The following GRID2 variants were observed in gnomAD, a reference collection of about 807,000 sequenced individuals.
GRID2 encodes the protein glutamate ionotropic receptor delta type subunit 2, also known as glutamate receptor ionotropic, delta-2.
In GRID2, 33 loss-of-function variants were observed where a neutral mutation model predicts 114.8. That is an observed-to-expected ratio of 0.29 (90% CI 0.22 to 0.38). The LOEUF (loss-of-function observed/expected upper bound fraction) is 0.38, where lower values mean the gene tolerates loss of function less well. Among genes scored for constraint, GRID2 ranks in the 10% least tolerant of loss-of-function variants. GRID2 has a pLI of 1.00. For missense variants in GRID2, 1,184 were observed against 1,257.7 expected, an observed-to-expected ratio of 0.94 and a Z score of 0.89; for synonymous variants, 505 against 449.9, an observed-to-expected ratio of 1.12 and a Z score of -1.55.
intron 4 of GRID2, among the ~76,000 whole-genome samples, chr4:93,127,876 C>A (rs1454025589): frequency 6.6e-6 from 1 of 151,282 alleles, no homozygotes; most frequent in South Asian, 2.1e-4. Flanking sequence ...GTTATAATAG[C>A]TGGGTATGGT....
At position 93,414,505 on chromosome 4, in the gene GRID2, T is replaced by C. The variant is rs896510283; in HGVS notation, c.1348-8266T>C. Among the ~76,000 whole-genome samples, 14 of 152,210 alleles carry C rather than the reference T, an allele frequency of 9.2e-5. No homozygotes were observed. In the East Asian group the frequency reaches 2.3e-3, roughly 25 times the overall value. Reference sequence around the variant, plus strand: ...GTCCTAGCCACGCTAGTGTCTCTTCTGTCTCTTAAACAAGTCAGAGACTCT... The same window carrying C: ...GTCCTAGCCACGCTAGTGTCTCTTCCGTCTCTTAAACAAGTCAGAGACTCT... On this transcript the variant is annotated intron_variant, in intron 9 of 15. Transcript: ENST00000282020.
chr4:92,802,369 G>T (rs1466776607), intron 2 of GRID2, among the ~76,000 whole-genome samples: 1 of 151,818 alleles, frequency 6.6e-6, no homozygotes, highest in Non-Finnish European at 1.5e-5. Context: ...TTTCACAAAG[G>T]TATATAATGA....
chr4:93,454,887 G>T (rs1053045573), intron 10 of GRID2, among the ~76,000 whole-genome samples: 2 of 152,012 alleles, frequency 1.3e-5, no homozygotes, highest in African/African-American at 4.8e-5. Flanking sequence ...ATTTAAATAT[G>T]TATTATCATA....
At chr4:92,567,010 A>G (rs1727370276) in intron 1 of GRID2, among the ~76,000 whole-genome samples, 1 of 152,050 alleles carries the variant, frequency 6.6e-6, no homozygotes, top group Admixed American at 6.6e-5. Context: ...GGTTTTATTC[A>G]GTTAGTATCT....
At chr4:93,756,777 G>A (rs893564592) in intron 14 of GRID2, among the ~76,000 whole-genome samples, 9 of 152,188 alleles carry the variant, frequency 5.9e-5, no homozygotes, top group Admixed American at 2.6e-4. Context: ...TGTTTTTTAC[G>A]TCCATGACAA....
At chr4:93,765,775 G>T (rs1733615880) in intron 14 of GRID2, among the ~76,000 whole-genome samples, 1 of 151,734 alleles carries the variant, frequency 6.6e-6, no homozygotes, top group Non-Finnish European at 1.5e-5. Context: ...CAGTAATTAA[G>T]TTCCTGAATG....
chr4:92,970,975 G>T (rs113426105), intron 2 of GRID2, among the ~76,000 whole-genome samples: 1 of 151,392 alleles, frequency 6.6e-6, no homozygotes, highest in Non-Finnish European at 1.5e-5. Flanking sequence ...TACATCGTGC[G>T]TGTATGTGTG....
At chr4:92,315,391 A>G (rs1413871022) in intron 1 of GRID2, among the ~76,000 whole-genome samples, 2 of 152,188 alleles carry the variant, frequency 1.3e-5, no homozygotes, top group East Asian at 1.9e-4. Flanking sequence ...TCACAAAAAA[A>G]GCAAATTGTG....
chr4:92,333,023 G>A (rs62311000), intron 1 of GRID2, among the ~76,000 whole-genome samples: 4,866 of 152,282 alleles, frequency 0.032, 114 homozygotes, highest in Non-Finnish European at 0.05. Flanking sequence ...GGGTCTTGAA[G>A]GCAGCCCTGC....
chr4:93,267,286 A>G (rs1750958844), intron 8 of GRID2, among the ~76,000 whole-genome samples: 1 of 151,798 alleles, frequency 6.6e-6, no homozygotes, highest in Admixed American at 6.6e-5. Flanking sequence ...CGCTGCACCC[A>G]CTAACTCTAC....
intron 1 of GRID2, among the ~76,000 whole-genome samples, chr4:92,316,012 A>G (rs1022359604): frequency 1.3e-5 from 2 of 150,984 alleles, no homozygotes; most frequent in Admixed American, 6.6e-5. Flanking sequence ...AAAAAAAAAA[A>G]AAGAAAAGAG....
At chr4:92,884,920 G>T in intron 2 of GRID2, 1 of 353,978 alleles carries the variant, frequency 2.8e-6, no homozygotes. Flanking sequence ...ATAAGCTGGT[G>T]ACATTTGGTC....
intron 2 of GRID2, among the ~76,000 whole-genome samples, chr4:92,915,958 C>G (rs532352835): frequency 6.6e-6 from 1 of 152,036 alleles, no homozygotes; most frequent in African/African-American, 2.4e-5. Context: ...CTTATAGATG[C>G]TGGATATTAG....
At chr4:93,203,615 A>T (rs1423034820) in intron 4 of GRID2, among the ~76,000 whole-genome samples, 3 of 152,216 alleles carry the variant, frequency 2.0e-5, no homozygotes, top group African/African-American at 7.2e-5. Context: ...AAATTTATTA[A>T]GATTAGAAAA....
At chr4:93,213,426 T>A (rs564980281) in intron 5 of GRID2, among the ~76,000 whole-genome samples, 2 of 152,328 alleles carry the variant, frequency 1.3e-5, no homozygotes, top group African/African-American at 4.8e-5. Context: ...CATTTTAAAG[T>A]ATTCTGGTGT....
intron 2 of GRID2, among the ~76,000 whole-genome samples, chr4:93,050,512 GTGTGTGT>G (rs1333312629): frequency 4.5e-3 from 88 of 19,598 alleles, no homozygotes; most frequent in Admixed American, 2.9e-3. Flanking sequence ...AATACCTGGT[GTGTGTGT>G]GTGTGTGTGT....
At chr4:92,721,823 G>A (rs970043589) in intron 2 of GRID2, among the ~76,000 whole-genome samples, 2 of 152,132 alleles carry the variant, frequency 1.3e-5, no homozygotes, top group African/African-American at 4.8e-5. Flanking sequence ...TAAAGAACTG[G>A]ATGACATTTA....
intron 1 of GRID2, among the ~76,000 whole-genome samples, chr4:92,579,578 G>A (rs139777794): frequency 1.3e-5 from 2 of 152,008 alleles, no homozygotes; most frequent in East Asian, 1.9e-4. Flanking sequence ...AACCCAGAGA[G>A]TTTTAGATTT....
intron 2 of GRID2, among the ~76,000 whole-genome samples, chr4:93,050,899 T>C (rs561849754): frequency 6.0e-4 from 91 of 152,178 alleles, no homozygotes; most frequent in African/African-American, 2.1e-3. Flanking sequence ...TGCAGCATTT[T>C]AATTGTATTT....
Sources: gnomAD v4.1 joint callset for allele counts (sites outside exome capture counted in the v4.1 genomes callset) on GRCh38, gnomAD v4.1.1 for gene constraint, MANE v1.5 for transcripts, NCBI Gene and HGNC (gene_info 2026-07-23, HGNC 2026-07-21) for gene names.